Variants in FGF12 observed in about 807,000 individuals in gnomAD.
FGF12 encodes the protein fibroblast growth factor 12B.
FGF12 carries 14 observed loss-of-function variants against 23.6 expected under a neutral mutation model. That is an observed-to-expected ratio of 0.59 (90% CI 0.39 to 0.93). FGF12 has a LOEUF of 0.93. Among genes scored for constraint, FGF12 ranks in the 40% least tolerant of loss-of-function variants. FGF12 has a pLI of 0.00. For missense variants in FGF12, 175 were observed against 217.8 expected, an observed-to-expected ratio of 0.80 and a Z score of 1.24; for synonymous variants, 62 against 77.3, an observed-to-expected ratio of 0.80 and a Z score of 1.04.
At chr3:192,368,925 C>T (rs1184502380) in intron 2 of FGF12, among the ~76,000 whole-genome samples, 1 of 152,200 alleles carries the variant, frequency 6.6e-6, no homozygotes, top group Non-Finnish European at 1.5e-5. Flanking sequence ...CCTTCCTCCT[C>T]TGCCCAGGGG....
At chr3:192,333,656 G>T (rs1373207143) in intron 4 of FGF12, among the ~76,000 whole-genome samples, 2 of 152,030 alleles carry the variant, frequency 1.3e-5, no homozygotes, top group African/African-American at 4.8e-5. Flanking sequence ...AAAAATAATT[G>T]TAATACAAAT....
chr3:192,675,847 C>G (rs563545693), intron 2 of FGF12, among the ~76,000 whole-genome samples: 1 of 152,198 alleles, frequency 6.6e-6, no homozygotes, highest in South Asian at 2.1e-4. Flanking sequence ...GTGGAAACAA[C>G]CGAGGTCTGC....
intron 2 of FGF12, among the ~76,000 whole-genome samples, chr3:192,426,481 T>C (rs1446939333): frequency 1.3e-5 from 2 of 152,260 alleles, no homozygotes; most frequent in Admixed American, 6.5e-5. Flanking sequence ...GCATTATGTT[T>C]AATGCTACTT....
At chr3:192,456,420 T>C (rs375361661) in intron 2 of FGF12, among the ~76,000 whole-genome samples, 1 of 152,196 alleles carries the variant, frequency 6.6e-6, no homozygotes, top group East Asian at 1.9e-4. Flanking sequence ...AATTAGATAG[T>C]TTTGAATACC....
intron 4 of FGF12, among the ~76,000 whole-genome samples, chr3:192,320,852 TA>T (rs900627618): frequency 4.5e-4 from 69 of 151,750 alleles, no homozygotes; most frequent in African/African-American, 1.7e-3. Flanking sequence ...AGTGCCTACA[TA>T]AAAAAGTAAA....
rs200701158 is a variant in FGF12 at position 192,266,094 on chromosome 3, GTACTGGTCCTTC to G, written c.228+69255_228+69266del. Among the ~76,000 whole-genome samples, 810 of 152,158 alleles carry G rather than the reference GTACTGGTCCTTC, an allele frequency of 5.3e-3. 6 individuals are homozygous for G. Among genetic ancestry groups the G allele is most frequent in the Middle Eastern group, 0.017 (5 of 294 alleles). On this transcript the variant is annotated intron_variant, in intron 4 of 5. Coordinates refer to ENST00000445105, the MANE Select transcript of FGF12 (RefSeq NM_004113.6). ...TTCTCCTCCTCTATCTGCTAAAATC[GTACTGGTCCTTC>G]GAAGGCAAAACAAAATACTGTATTT...
intron 4 of FGF12, among the ~76,000 whole-genome samples, chr3:192,251,511 A>T (rs1398077022): frequency 1.3e-5 from 2 of 152,192 alleles, no homozygotes; most frequent in African/African-American, 4.8e-5. Context: ...AAATGACTGT[A>T]CATGTCCACC....
chr3:192,716,522 C>T (rs1302027207), intron 2 of FGF12, among the ~76,000 whole-genome samples: 1 of 152,188 alleles, frequency 6.6e-6, no homozygotes, highest in Non-Finnish European at 1.5e-5. Context: ...CATACCACAG[C>T]TGCATGGCAT....
At chr3:192,182,923 G>A (rs530065354) in intron 4 of FGF12, among the ~76,000 whole-genome samples, 3 of 152,278 alleles carry the variant, frequency 2.0e-5, no homozygotes, top group East Asian at 3.9e-4. Context: ...TTATGCCTAC[G>A]GCCATGGGGA....
intron 2 of FGF12, among the ~76,000 whole-genome samples, chr3:192,575,944 A>G (rs1193962582): frequency 6.6e-6 from 1 of 152,230 alleles, no homozygotes; most frequent in African/African-American, 2.4e-5. Flanking sequence ...CTTGAAAAAA[A>G]TAACTAAGGT....
Position 192,673,793 on chromosome 3 carries a change from T to G in FGF12, c.13+53388A>C, listed in dbSNP as rs1043971421. ...TTTCCTATATCCAGTCTATCATTAA[T>G]GGGCATTTGGGTTTGTTCCAAGACT... On this transcript the variant is annotated intron_variant, in intron 2 of 5. Transcript: ENST00000445105. Among the ~76,000 whole-genome samples, 8 of 151,218 alleles carry G rather than the reference T, an allele frequency of 5.3e-5. 1 individual carries two copies. The highest frequency in any genetic ancestry group is 1.2e-4 in the Non-Finnish European group (8 of 67,574).
rs192216205 is a variant in FGF12 at position 192,375,687 on chromosome 3, C to T, written c.14-15149G>A. Among the ~76,000 whole-genome samples, 903 of 150,626 alleles carry T rather than the reference C, an allele frequency of 6.0e-3. 6 individuals carry two copies. The highest frequency in any genetic ancestry group is 0.01 in the Non-Finnish European group (685 of 67,744). ...CCCTCTTTCCCCCCAGACTCAACCC[C>T]CTCTTTGTGAACCAATAAGGAACCA... On this transcript the variant is annotated intron_variant, in intron 2 of 5. Transcript: ENST00000445105.
chr3:192,428,130 C>A (rs1486252946), intron 2 of FGF12, among the ~76,000 whole-genome samples: 2 of 152,178 alleles, frequency 1.3e-5, no homozygotes, highest in Admixed American at 6.5e-5. Context: ...ACAGGATCCC[C>A]CTCCGCCACC....
chr3:192,470,406 G>A (rs1723137286), intron 2 of FGF12, among the ~76,000 whole-genome samples: 1 of 152,104 alleles, frequency 6.6e-6, no homozygotes, highest in African/African-American at 2.4e-5. Context: ...TGTAGTTGTT[G>A]AGACAGGTTC....
intron 4 of FGF12, among the ~76,000 whole-genome samples, chr3:192,241,631 T>C (rs1185024515): frequency 1.3e-5 from 2 of 151,936 alleles, no homozygotes; most frequent in African/African-American, 2.4e-5. Context: ...CTCTCCAAAG[T>C]AGGTAAAAAG....
intron 5 of FGF12, among the ~76,000 whole-genome samples, chr3:192,144,781 T>G (rs1200173225): frequency 6.6e-6 from 1 of 152,238 alleles, no homozygotes; most frequent in Non-Finnish European, 1.5e-5. Context: ...TATTGTATTG[T>G]CTGGCTGTAA....
At chr3:192,718,902 A>G (rs531340249) in intron 2 of FGF12, among the ~76,000 whole-genome samples, 1 of 152,160 alleles carries the variant, frequency 6.6e-6, no homozygotes, top group African/African-American at 2.4e-5. Context: ...TTAAGCCTAA[A>G]GAGGATCAAG....
At position 192,170,492 on chromosome 3, in the gene FGF12, C is replaced by G; in HGVS notation, c.393G>C (p.Lys131Asn). 6.2e-7 allele frequency: 1 copy of G among 1,613,930 alleles called. No homozygotes were observed. The highest frequency in any genetic ancestry group is 8.5e-7 in the Non-Finnish European group (1 of 1,179,950). Reference protein sequence around the residue: ...IMKGNRVKKTKPSSHFVPKPI... With the variant: ...IMKGNRVKKTNPSSHFVPKPI... ...GTTTCGGTACAAAATGTGATGAGGG[C>G]TTGGTTTTCTTCACTCTGTTCCCCT... The change falls in exon 5 of 6, where the codon AAG (lysine) becomes AAC (asparagine). Residue 131 changes from lysine (K) to asparagine (N), a missense_variant. Lys to Asn is a moderately conservative substitution (Grantham distance 94). Coordinates refer to ENST00000445105, the MANE Select transcript of FGF12 (RefSeq NM_004113.6).
chr3:192,272,558 C>T (rs566324921), intron 4 of FGF12, among the ~76,000 whole-genome samples: 4 of 152,252 alleles, frequency 2.6e-5, no homozygotes, highest in African/African-American at 9.6e-5. Flanking sequence ...GAGAAGGGGG[C>T]TCTATGACTA....
Sources: gnomAD v4.1 joint callset for allele counts (sites outside exome capture counted in the v4.1 genomes callset) on GRCh38, gnomAD v4.1.1 for gene constraint, MANE v1.5 for transcripts, NCBI Gene and HGNC (gene_info 2026-07-23, HGNC 2026-07-21) for gene names.